The following NKAIN3 variants were observed in gnomAD, a reference collection of about 807,000 sequenced individuals.
NKAIN3 encodes sodium/potassium-transporting ATPase subunit beta-1-interacting protein 3.
NKAIN3 carries 25 observed loss-of-function variants against 30.2 expected under a neutral mutation model. That is an observed-to-expected ratio of 0.83 (90% CI 0.60 to 1.16). NKAIN3 has a LOEUF of 1.16. NKAIN3 is among the 50% of genes most tolerant of loss of function. NKAIN3 has a pLI of 0.00. For missense variants in NKAIN3, 225 were observed against 254.1 expected, an observed-to-expected ratio of 0.89 and a Z score of 0.78; for synonymous variants, 91 against 89.6, an observed-to-expected ratio of 1.02 and a Z score of -0.09.
chr8:62,297,203 T>C (rs547402312), intron 1 of NKAIN3, among the ~76,000 whole-genome samples: 163 of 152,216 alleles, frequency 1.1e-3, no homozygotes, highest in African/African-American at 3.8e-3. Flanking sequence ...ATGTTAGACT[T>C]AAAACCATAA....
chr8:62,935,932 T>G (rs1822771621), intron 5 of NKAIN3, among the ~76,000 whole-genome samples: 1 of 152,094 alleles, frequency 6.6e-6, no homozygotes, highest in Non-Finnish European at 1.5e-5. Context: ...ACAAAAAAAT[T>G]TAAAAACAAA....
intron 1 of NKAIN3, among the ~76,000 whole-genome samples, chr8:62,548,895 A>C (rs1342448040): frequency 1.3e-5 from 2 of 151,948 alleles, no homozygotes; most frequent in African/African-American, 2.4e-5. Flanking sequence ...ACTTCTTTAT[A>C]AAATTATTCC....
At chr8:62,420,963 C>T (rs560718256) in intron 1 of NKAIN3, among the ~76,000 whole-genome samples, 2 of 152,222 alleles carry the variant, frequency 1.3e-5, no homozygotes, top group South Asian at 4.1e-4. Flanking sequence ...AAAAGGAAAA[C>T]TTTAAAAAAT....
At chr8:62,889,080 T>C (rs1289173250) in intron 4 of NKAIN3, among the ~76,000 whole-genome samples, 1 of 152,162 alleles carries the variant, frequency 6.6e-6, no homozygotes, top group Non-Finnish European at 1.5e-5. Context: ...CAAAATTTTA[T>C]TGAACAGTCC....
intron 1 of NKAIN3, among the ~76,000 whole-genome samples, chr8:62,554,931 T>C (rs1302317178): frequency 6.6e-6 from 1 of 151,922 alleles, no homozygotes; most frequent in Non-Finnish European, 1.5e-5. Flanking sequence ...TATGCAGTAT[T>C]TTTCTTTTCC....
intron 3 of NKAIN3, among the ~76,000 whole-genome samples, chr8:62,612,058 T>A (rs987231405): frequency 2.6e-5 from 4 of 152,130 alleles, no homozygotes; most frequent in African/African-American, 9.6e-5. Flanking sequence ...AAACACCTTT[T>A]TCATAAGCCT....
intron 1 of NKAIN3, among the ~76,000 whole-genome samples, chr8:62,278,209 A>G (rs752082620): frequency 6.6e-6 from 1 of 152,112 alleles, no homozygotes; most frequent in Non-Finnish European, 1.5e-5. Flanking sequence ...TGTAGACTGA[A>G]GAGGCCTCCC....
chr8:62,682,339 A>C (rs1392987204), intron 3 of NKAIN3, among the ~76,000 whole-genome samples: 1 of 152,144 alleles, frequency 6.6e-6, no homozygotes, highest in East Asian at 1.9e-4. Context: ...GGGCTCTCTC[A>C]GTCCCCAGGG....
chr8:62,892,686 T>C (rs1821327436), intron 4 of NKAIN3, among the ~76,000 whole-genome samples: 1 of 116,000 alleles, frequency 8.6e-6, no homozygotes, highest in South Asian at 2.8e-4. Flanking sequence ...TCAGTTGTTT[T>C]ATTTGGTAAA....
At chr8:62,736,162 A>G (rs966701212) in intron 3 of NKAIN3, among the ~76,000 whole-genome samples, 1 of 152,218 alleles carries the variant, frequency 6.6e-6, no homozygotes, top group Non-Finnish European at 1.5e-5. Flanking sequence ...CATCAGCAAC[A>G]GTAGTATAGG....
intron 3 of NKAIN3, among the ~76,000 whole-genome samples, chr8:62,598,796 T>C (rs1810909867): frequency 6.6e-6 from 1 of 151,952 alleles, no homozygotes; most frequent in Non-Finnish European, 1.5e-5. Context: ...GGAGCTTAGG[T>C]AGACACTGGA....
intron 2 of NKAIN3, among the ~76,000 whole-genome samples, chr8:62,588,432 C>T (rs919809165): frequency 2.0e-5 from 3 of 151,662 alleles, no homozygotes; most frequent in Non-Finnish European, 4.4e-5. Flanking sequence ...TGAAAGCAAA[C>T]CTCCTTTCAG....
At chr8:62,642,928 T>G (rs1812351880) in intron 3 of NKAIN3, among the ~76,000 whole-genome samples, 1 of 152,056 alleles carries the variant, frequency 6.6e-6, no homozygotes, top group Non-Finnish European at 1.5e-5. Context: ...AATAAAAAAT[T>G]TATTGGAACT....
chr8:62,452,803 C>A (rs1805689436), intron 1 of NKAIN3, among the ~76,000 whole-genome samples: 1 of 151,902 alleles, frequency 6.6e-6, no homozygotes, highest in South Asian at 2.1e-4. Flanking sequence ...TTTGAAAAAT[C>A]ACTTAAATAT....
chr8:62,515,642 A>G lies in NKAIN3; in HGVS notation c.55-63897A>G, dbSNP rs563902844. Among the ~76,000 whole-genome samples the G allele has an allele frequency of 1.3e-4, 20 of 152,210 alleles. No homozygotes were observed. In the South Asian group the frequency reaches 4.1e-3, roughly 32 times the overall value. ...TATATCCTAGGTGTGTGATTAATCA[A>G]TTGCACCACGGATTGCTTTCCAGAA... On this transcript the variant is annotated intron_variant, in intron 1 of 6. Transcript: ENST00000623646.
intron 3 of NKAIN3, among the ~76,000 whole-genome samples, chr8:62,678,608 G>A (rs115004967): frequency 0.012 from 1,839 of 151,100 alleles, 38 homozygotes; most frequent in East Asian, 0.048. Flanking sequence ...AAACATATTA[G>A]TACCATCATT....
At chr8:62,426,045 A>G (rs967080914) in intron 1 of NKAIN3, among the ~76,000 whole-genome samples, 4 of 151,982 alleles carry the variant, frequency 2.6e-5, no homozygotes, top group African/African-American at 9.7e-5. Flanking sequence ...AAAGTTTTTC[A>G]CACTCTTCAA....
At chr8:62,485,064 A>T (rs757157646) in intron 1 of NKAIN3, among the ~76,000 whole-genome samples, 1 of 152,212 alleles carries the variant, frequency 6.6e-6, no homozygotes, top group Non-Finnish European at 1.5e-5. Context: ...ACTGTCAGGA[A>T]CAACAGAGCC....
intron 3 of NKAIN3, among the ~76,000 whole-genome samples, chr8:62,646,424 A>G (rs554440933): frequency 1.3e-5 from 2 of 152,252 alleles, no homozygotes; most frequent in East Asian, 3.9e-4. Flanking sequence ...CAAATAAGTC[A>G]TTTAAGATAC....
Sources: gnomAD v4.1 joint callset for allele counts (sites outside exome capture counted in the v4.1 genomes callset) on GRCh38, gnomAD v4.1.1 for gene constraint, MANE v1.5 for transcripts, NCBI Gene and HGNC (gene_info 2026-07-23, HGNC 2026-07-21) for gene names.